The following SPIN4 variants were observed in gnomAD, a reference collection of about 807,000 sequenced individuals.
The protein encoded by SPIN4 is spindlin family member 4.
In SPIN4, 4 loss-of-function variants were observed where a neutral mutation model predicts 10.4. The ratio of observed to expected loss-of-function variants is 0.38; its 90% CI spans 0.19 to 0.88. The LOEUF (loss-of-function observed/expected upper bound fraction) is 0.88. Ranked by LOEUF, SPIN4 falls within the 40% of genes least tolerant of loss-of-function variation. SPIN4 has a pLI of 0.40. For missense variants in SPIN4, 126 were observed against 198.7 expected (o/e 0.63, Z 2.20); for synonymous variants, 71 against 78.4 (o/e 0.91, Z 0.50).
Position 63,347,356 on chromosome X carries a change from T to C in SPIN4, c.*2714A>G, listed in dbSNP as rs1309843407. 1.8e-5 allele frequency: 2 copies of C among 111,872 alleles called. No homozygotes were observed. The highest frequency in any genetic ancestry group is 3.8e-5 in the Non-Finnish European group (2 of 53,096). The allele number at this position is 111,872 out of a possible 1,213,427, so 9.2% of individuals were successfully genotyped here. A position where few individuals can be genotyped will look rare whatever the true frequency, so the allele number is the denominator to read the frequency against. ...CAACAACCAGTACAATCAGCAATAATAGAGAACTTTTAACTTTGTATGTCA... is the reference window on the plus strand; with the variant it reads ...CAACAACCAGTACAATCAGCAATAACAGAGAACTTTTAACTTTGTATGTCA... On this transcript the variant is annotated 3_prime_UTR_variant, in exon 1 of 1. Coordinates refer to ENST00000374884, the MANE Select transcript of SPIN4 (RefSeq NM_001012968.3).
Position 63,349,981 on chromosome X carries a change from C to G in SPIN4, c.*89G>C. 2 of 984,541 alleles carry G rather than the reference C, an allele frequency of 2.0e-6. No individual in the cohort carries two copies. The highest frequency in any genetic ancestry group is 2.7e-6 in the Non-Finnish European group (2 of 734,300). The allele number at this position is 984,541 out of a possible 1,213,427, so 81.1% of individuals were successfully genotyped here. A position where few individuals can be genotyped will look rare whatever the true frequency, so the allele number is the denominator to read the frequency against. ...TATCCACTTTCCTGAATTTCTGACA[C>G]CTAAACTCTTCTCTGCGTTCACAAC... On this transcript the variant is annotated 3_prime_UTR_variant, in exon 1 of 1. Coordinates refer to ENST00000374884, the MANE Select transcript of SPIN4 (RefSeq NM_001012968.3).
chrX:63,349,409 G>A lies in SPIN4; in HGVS notation c.*661C>T, dbSNP rs1383815213. ...GTTATTTTGAAAAAAAATAAAAAAA[G>A]GAAATAAAAGACGATCAATAACGAA... On this transcript the variant is annotated 3_prime_UTR_variant, in exon 1 of 1. Transcript: ENST00000374884. The A allele has an allele frequency of 9.0e-6, 1 of 111,513 alleles. No individual in the cohort carries two copies. The highest frequency in any genetic ancestry group is 1.9e-5 in the Non-Finnish European group (1 of 53,024). The allele number at this position is 111,513 out of a possible 1,213,427, so 9.2% of individuals were successfully genotyped here.
rs1289570881 is a variant in SPIN4 at position 63,348,238 on chromosome X, G to T, written c.*1832C>A. 9.0e-6 allele frequency: 1 copy of T among 110,634 alleles called. No homozygotes were observed. The highest frequency in any genetic ancestry group is 1.9e-5 in the Non-Finnish European group (1 of 52,703). The allele number at this position is 110,634 out of a possible 1,213,427, so 9.1% of individuals were successfully genotyped here. A position where few individuals can be genotyped will look rare whatever the true frequency, so the allele number is the denominator to read the frequency against. On this transcript the variant is annotated 3_prime_UTR_variant, in exon 1 of 1. Coordinates refer to ENST00000374884, the MANE Select transcript of SPIN4 (RefSeq NM_001012968.3). ...TACTGTAATTTCAATGATTAAATAAGCTCATTAGACAGAAGATAAAAATAC... is the reference window on the plus strand; with the variant it reads ...TACTGTAATTTCAATGATTAAATAATCTCATTAGACAGAAGATAAAAATAC...
In SPIN4 at chrX:63,350,775, G is replaced by A. The variant is rs782442380; in HGVS notation, c.45C>T (p.Ser15=). The A allele has an allele frequency of 1.5e-5, 18 of 1,205,618 alleles. No homozygotes were observed. Among genetic ancestry groups the A allele is most frequent in the South Asian group, 1.8e-5 (1 of 56,251 alleles). ...TVPPMGVDGV[S]AYLMKKRHTH... ...TGTGCCTTTTCTTCATCAGGTATGC[G>A]GACACGCCATCTACCCCCATCGGAG... The change falls in exon 1 of 1, where the codon TCC becomes TCT. Residue 15 remains serine (S), a synonymous_variant. Coordinates refer to ENST00000374884, the MANE Select transcript of SPIN4 (RefSeq NM_001012968.3).
At position 63,347,559 on chromosome X, in the gene SPIN4, G is replaced by A. The variant is rs1263328479; in HGVS notation, c.*2511C>T. The A allele has an allele frequency of 9.0e-6, 1 of 111,199 alleles. No homozygotes were observed. Among genetic ancestry groups the A allele is most frequent in the Non-Finnish European group, 1.9e-5 (1 of 52,857 alleles). 9.2% of individuals were successfully genotyped at this position (111,199 alleles called of 1,213,427 possible). A position where few individuals can be genotyped will look rare whatever the true frequency, so the allele number is the denominator to read the frequency against. On this transcript the variant is annotated 3_prime_UTR_variant, in exon 1 of 1. Transcript: ENST00000374884. ...TTCTAATGCTATTTAAATTATTCCA[G>A]ACCACAGGAAAAAAATTGAAAACTC...
rs1244160507 is a variant in SPIN4, at chrX:63,350,066, G to T, written c.*4C>A. On this transcript the variant is annotated 3_prime_UTR_variant, in exon 1 of 1. Coordinates refer to ENST00000374884, the MANE Select transcript of SPIN4 (RefSeq NM_001012968.3). Reference sequence around the variant, plus strand: ...CCACAACTTCTCTAAAGAGCACAAAGAATTTAAGGAGTTTTCACCAAACCA... The same window carrying T: ...CCACAACTTCTCTAAAGAGCACAAATAATTTAAGGAGTTTTCACCAAACCA... 7.6e-6 allele frequency: 9 copies of T among 1,190,561 alleles called. No individual in the cohort carries two copies. The highest frequency in any genetic ancestry group is 1.8e-5 in the African/African-American group (1 of 56,616).
chrX:63,351,088 A>G lies in SPIN4; in HGVS notation c.-269T>C, dbSNP rs1179585090. 5.2e-5 allele frequency: 16 copies of G among 305,987 alleles called. No individual in the cohort carries two copies. Among genetic ancestry groups the G allele is most frequent in the Admixed American group, 1.1e-4 (2 of 17,658 alleles). The allele number at this position is 305,987 out of a possible 1,213,427, so 25.2% of individuals were successfully genotyped here. On this transcript the variant is annotated 5_prime_UTR_variant, in exon 1 of 1. Coordinates refer to ENST00000374884, the MANE Select transcript of SPIN4 (RefSeq NM_001012968.3). The stretch of plus-strand genomic sequence containing the variant: ...TGCAGCAGTGGCGGCTGACGTAGAG[A>G]TGGCGGGCTCGCGAGTGCTGTTCGT...
chrX:63,350,826 G>C lies in SPIN4; in HGVS notation c.-7C>G, dbSNP rs781828333. ...GCACGGTTGGAGGAGACATAGCTCA[G>C]GGATTAAGAGGGCTTGGGGAAAGCT... On this transcript the variant is annotated 5_prime_UTR_variant, in exon 1 of 1. Coordinates refer to ENST00000374884, the MANE Select transcript of SPIN4 (RefSeq NM_001012968.3). 1.7e-6 allele frequency: 2 copies of C among 1,182,892 alleles called. No individual in the cohort carries two copies. Among genetic ancestry groups the C allele is most frequent in the East Asian group, 3.0e-5 (1 of 33,419 alleles).
chrX:63,349,966 C>G lies in SPIN4; in HGVS notation c.*104G>C. 1 of 883,323 alleles carries G rather than the reference C, an allele frequency of 1.1e-6. No homozygotes were observed. Among genetic ancestry groups the G allele is most frequent in the Non-Finnish European group, 1.5e-6 (1 of 653,834 alleles). The allele number at this position is 883,323 out of a possible 1,213,427, so 72.8% of individuals were successfully genotyped here. A position where few individuals can be genotyped will look rare whatever the true frequency, so the allele number is the denominator to read the frequency against. On this transcript the variant is annotated 3_prime_UTR_variant, in exon 1 of 1. Coordinates refer to ENST00000374884, the MANE Select transcript of SPIN4 (RefSeq NM_001012968.3). The stretch of plus-strand genomic sequence containing the variant: ...TGGCACAATAAAATTTATCCACTTT[C>G]CTGAATTTCTGACACCTAAACTCTT...
Position 63,348,772 on chromosome X carries a change from G to A in SPIN4, c.*1298C>T, listed in dbSNP as rs1364368845. Reference sequence around the variant, plus strand: ...CAATGTGAACAAAATGTTATAGCTGGATCCCCATCTTACACCATATACAAA... The same window carrying A: ...CAATGTGAACAAAATGTTATAGCTGAATCCCCATCTTACACCATATACAAA... On this transcript the variant is annotated 3_prime_UTR_variant, in exon 1 of 1. Transcript: ENST00000374884. 1 of 110,831 alleles carries A rather than the reference G, an allele frequency of 9.0e-6. No individual in the cohort carries two copies. The highest frequency in any genetic ancestry group is 1.9e-5 in the Non-Finnish European group (1 of 52,856). 9.1% of individuals were successfully genotyped at this position (110,831 alleles called of 1,213,427 possible). A position where few individuals can be genotyped will look rare whatever the true frequency, so the allele number is the denominator to read the frequency against.
At position 63,350,418 on chromosome X, in the gene SPIN4, C is replaced by G. The variant is rs782459811; in HGVS notation, c.402G>C (p.Lys134Asn). Residue 134 changes from lysine to asparagine, a missense_variant, in exon 1 of 1, where the codon AAG becomes AAC. By Grantham distance (94) the Lys-to-Asn change is moderately conservative (BLOSUM62 0). Transcript: ENST00000374884. ...EHVFEGEHGT[K>N]DEWKGMVLAR... is the part of the protein sequence containing the mutation. The stretch of plus-strand genomic sequence containing the variant: ...CCAGGACCATACCCTTCCATTCATC[C>G]TTGGTACCATGTTCACCTTCAAACA... The G allele has an allele frequency of 1.2e-5, 14 of 1,211,675 alleles. No individual in the cohort carries two copies. In the South Asian group the frequency reaches 2.5e-4, roughly 21 times the overall value.
Position 63,348,999 on chromosome X carries a change from G to A in SPIN4, c.*1071C>T, listed in dbSNP as rs1569314735. 1 of 111,890 alleles carries A rather than the reference G, an allele frequency of 8.9e-6. No individual in the cohort carries two copies. Among genetic ancestry groups the A allele is most frequent in the South Asian group, 3.7e-4 (1 of 2,714 alleles). 9.2% of individuals were successfully genotyped at this position (111,890 alleles called of 1,213,427 possible). A position where few individuals can be genotyped will look rare whatever the true frequency, so the allele number is the denominator to read the frequency against. Reference sequence around the variant, plus strand: ...AATATATCATCAATAAAGTCAAGATGAAAACGTCATAACACATTAGAGCTA... The same window carrying A: ...AATATATCATCAATAAAGTCAAGATAAAAACGTCATAACACATTAGAGCTA... On this transcript the variant is annotated 3_prime_UTR_variant, in exon 1 of 1. Transcript: ENST00000374884.
In SPIN4 at chrX:63,347,474, G is replaced by A. The variant is rs1241923677; in HGVS notation, c.*2596C>T. 1 of 111,885 alleles carries A rather than the reference G, an allele frequency of 8.9e-6. No homozygotes were observed. Among genetic ancestry groups the A allele is most frequent in the Non-Finnish European group, 1.9e-5 (1 of 53,055 alleles). 9.2% of individuals were successfully genotyped at this position (111,885 alleles called of 1,213,427 possible). On this transcript the variant is annotated 3_prime_UTR_variant, in exon 1 of 1. Transcript: ENST00000374884. ...GCTGATTAAAAATCTACTATTAAAA[G>A]TGTCATCAGGATTAGATTGTTTTAC...
At position 63,350,032 on chromosome X, in the gene SPIN4, C is replaced by T. The variant is rs1215748380; in HGVS notation, c.*38G>A. 1 of 1,156,598 alleles carries T rather than the reference C, an allele frequency of 8.6e-7. No homozygotes were observed. The highest frequency in any genetic ancestry group is 2.5e-5 in the Admixed American group (1 of 40,446). On this transcript the variant is annotated 3_prime_UTR_variant, in exon 1 of 1. Coordinates refer to ENST00000374884, the MANE Select transcript of SPIN4 (RefSeq NM_001012968.3). ...TACGAGAACACAAAATAATTCACAT[C>T]TAACAGATCCACAACTTCTCTAAAG...
In SPIN4 at chrX:63,347,679, G is replaced by C. The variant is rs1374504521; in HGVS notation, c.*2391C>G. On this transcript the variant is annotated 3_prime_UTR_variant, in exon 1 of 1. Coordinates refer to ENST00000374884, the MANE Select transcript of SPIN4 (RefSeq NM_001012968.3). ...ACAAAATACAATTTTACTTTGGAAT[G>C]AAAATGCAATAATTCTAAATTAAAT... is the stretch of plus-strand genomic sequence containing the variant. The C allele has an allele frequency of 9.0e-6, 1 of 111,516 alleles. No individual in the cohort carries two copies. Among genetic ancestry groups the C allele is most frequent in the Non-Finnish European group, 1.9e-5 (1 of 52,954 alleles). The allele number at this position is 111,516 out of a possible 1,213,427, so 9.2% of individuals were successfully genotyped here. A position where few individuals can be genotyped will look rare whatever the true frequency, so the allele number is the denominator to read the frequency against.
rs782450496 is a variant in SPIN4, at chrX:63,350,021, A to C, written c.*49T>G. 2 of 1,136,698 alleles carry C rather than the reference A, an allele frequency of 1.8e-6. No individual in the cohort carries two copies. The highest frequency in any genetic ancestry group is 6.0e-5 in the East Asian group (2 of 33,168). 93.7% of individuals were successfully genotyped at this position (1,136,698 alleles called of 1,213,427 possible). Reference sequence around the variant, plus strand: ...GCGTTCACAACTACGAGAACACAAAATAATTCACATCTAACAGATCCACAA... The same window carrying C: ...GCGTTCACAACTACGAGAACACAAACTAATTCACATCTAACAGATCCACAA... On this transcript the variant is annotated 3_prime_UTR_variant, in exon 1 of 1. Transcript: ENST00000374884.
In SPIN4 at chrX:63,350,460, G is replaced by C; in HGVS notation, c.360C>G (p.Gly120=). ...IDSRLADSLI[G]KAVEHVFEGE... is the part of the protein sequence containing the mutation. Reference sequence around the variant, plus strand: ...CTTCAAACACATGCTCCACTGCCTTGCCAATCAGGGAATCTGCCAGTCGTG... The same window carrying C: ...CTTCAAACACATGCTCCACTGCCTTCCCAATCAGGGAATCTGCCAGTCGTG... The change falls in exon 1 of 1, where the codon GGC becomes GGG. Residue 120 remains glycine, a synonymous_variant. Coordinates refer to ENST00000374884, the MANE Select transcript of SPIN4 (RefSeq NM_001012968.3). 8.3e-7 allele frequency: 1 copy of C among 1,211,662 alleles called. No homozygotes were observed. The highest frequency in any genetic ancestry group is 1.1e-6 in the Non-Finnish European group (1 of 895,530).
chrX:63,350,205 C>A lies in SPIN4; in HGVS notation c.615G>T (p.Val205=). The A allele has an allele frequency of 8.3e-7, 1 of 1,211,852 alleles. No individual in the cohort carries two copies. Among genetic ancestry groups the A allele is most frequent in the Non-Finnish European group, 1.1e-6 (1 of 895,516 alleles). ...EVVDSLVGKQ[V]EHAKDDGSKR... is the part of the protein sequence containing the mutation. ...TGGACCCGTCATCTTTGGCATGCTCCACCTGCTTGCCCACGAGACTGTCGA... is the reference window on the plus strand; with the variant it reads ...TGGACCCGTCATCTTTGGCATGCTCAACCTGCTTGCCCACGAGACTGTCGA... Residue 205 remains valine, a synonymous_variant, in exon 1 of 1, where the codon GTG becomes GTT. Coordinates refer to ENST00000374884, the MANE Select transcript of SPIN4 (RefSeq NM_001012968.3).
In SPIN4 at chrX:63,350,936, G is replaced by T. The variant is rs1932989675; in HGVS notation, c.-117C>A. On this transcript the variant is annotated 5_prime_UTR_variant, in exon 1 of 1. Transcript: ENST00000374884. ...TTTTGCGATCTCAAAGACCTGGTCT[G>T]TGCTCCCTTCTCCAAGTGCAAGGCT... 1.1e-6 allele frequency: 1 copy of T among 928,370 alleles called. No homozygotes were observed. 76.5% of individuals were successfully genotyped at this position (928,370 alleles called of 1,213,427 possible). A position where few individuals can be genotyped will look rare whatever the true frequency, so the allele number is the denominator to read the frequency against.
Sources: gnomAD v4.1 joint callset for allele counts on GRCh38, gnomAD v4.1.1 for gene constraint, MANE v1.5 for transcripts, NCBI Gene and HGNC (gene_info 2026-07-23, HGNC 2026-07-21) for gene names.